CUX2: variants seen among roughly 807,000 people sequenced by gnomAD.
CUX2 encodes cut like homeobox 2.
CUX2 carries 40 observed loss-of-function variants against 144.8 expected under a neutral mutation model. The observed-to-expected ratio is 0.28, with a 90% CI of 0.21 to 0.36. The LOEUF (loss-of-function observed/expected upper bound fraction) is 0.36. CUX2 is among the 10% of genes least tolerant of loss of function. The pLI, the probability that CUX2 is intolerant of heterozygous loss-of-function variation, is 1.00. For synonymous variants in CUX2, 827 were observed against 875.6 expected (o/e 0.94, Z 0.98); for missense variants, 1,615 against 1,994.0 (o/e 0.81, Z 3.62).
Position 111,263,876 on chromosome 12 carries a change from C to T in CUX2, c.301+37C>T, listed in dbSNP as rs768574969. 2.9e-5 allele frequency: 45 copies of T among 1,562,760 alleles called. No homozygotes were observed. Among genetic ancestry groups the T allele is most frequent in the East Asian group, 1.3e-4 (6 of 44,610 alleles). ...TTGGGCTCCGTAATTGAATAGTTAA[C>T]GACAATAAATAGCCATTAGGACTGT... On this transcript the variant is annotated intron_variant, in intron 4 of 21. Coordinates refer to ENST00000261726, the MANE Select transcript of CUX2 (RefSeq NM_015267.4). The surrounding 1 kb of genome is among the most constrained non-coding windows in gnomAD (Gnocchi z 4.0).
intron 3 of CUX2, among the ~76,000 whole-genome samples, chr12:111,222,189 A>T (rs1485905719): frequency 6.6e-6 from 1 of 152,226 alleles, no homozygotes; most frequent in Admixed American, 6.5e-5. Flanking sequence ...TTATTTTCTC[A>T]TTATTAGTTG....
At chr12:111,142,997 T>C (rs1321968084) in intron 1 of CUX2, among the ~76,000 whole-genome samples, 5 of 152,194 alleles carry the variant, frequency 3.3e-5, no homozygotes, top group Non-Finnish European at 7.4e-5. Flanking sequence ...TTTTTTGGAA[T>C]CTCTGAGGCC....
At chr12:111,216,915 G>A (rs1275469310) in intron 2 of CUX2, among the ~76,000 whole-genome samples, 3 of 152,096 alleles carry the variant, frequency 2.0e-5, no homozygotes, top group East Asian at 3.9e-4. Flanking sequence ...TTCCTTTTCT[G>A]CTCTGTCTGG....
chr12:111,217,782 G>A, intron 2 of CUX2, 108 bp from the exon 3 acceptor site: 1 of 1,169,264 alleles, frequency 8.6e-7, no homozygotes. Flanking sequence ...GGCCCCACGG[G>A]ACATGCTTGG....
chr12:111,330,721 A>G (rs1182106886), intron 18 of CUX2, among the ~76,000 whole-genome samples: 4 of 54,822 alleles, frequency 7.3e-5, no homozygotes, highest in East Asian at 6.4e-4. Flanking sequence ...ATATATATAT[A>G]TATATATATA....
rs936578114 is a variant in CUX2, at chr12:111,037,510, G to A, written c.63+3270G>A. 6.6e-6 allele frequency among the ~76,000 whole-genome samples: 1 copy of A among 152,230 alleles called. No individual in the cohort carries two copies. The highest frequency in any genetic ancestry group is 1.5e-5 in the Non-Finnish European group (1 of 68,050). ...CAACCTTAATGACTTTGGGCCGATG[G>A]TAAAGGTGATCTGACATGTGCCACC... is the stretch of plus-strand genomic sequence containing the variant. On this transcript the variant is annotated intron_variant, in intron 1 of 21. Coordinates refer to ENST00000261726, the MANE Select transcript of CUX2 (RefSeq NM_015267.4). The surrounding 1 kb of genome is among the most constrained non-coding windows in gnomAD (Gnocchi z 5.4).
intron 4 of CUX2, among the ~76,000 whole-genome samples, chr12:111,264,574 A>G (rs570345183): frequency 8.5e-5 from 13 of 152,166 alleles, no homozygotes; most frequent in Admixed American, 2.6e-4. Context: ...TAGAAATCCC[A>G]TCTCTACTAA....
intron 1 of CUX2, among the ~76,000 whole-genome samples, chr12:111,038,272 T>C (rs999727926): frequency 3.3e-5 from 5 of 152,250 alleles, no homozygotes; most frequent in African/African-American, 1.2e-4. Context: ...TATCTAAATG[T>C]GCTATCATTT....
chr12:111,237,741 T>C (rs1882829809), intron 3 of CUX2, among the ~76,000 whole-genome samples: 2 of 152,158 alleles, frequency 1.3e-5, no homozygotes, highest in African/African-American at 4.8e-5. Flanking sequence ...TGCTGCCCAC[T>C]TGTGCCCCTT....
chr12:111,194,454 C>T (rs1880109926), intron 1 of CUX2, among the ~76,000 whole-genome samples: 1 of 152,192 alleles, frequency 6.6e-6, no homozygotes, highest in African/African-American at 2.4e-5. Context: ...GAACTTGTTG[C>T]CAGTGATTAC....
At position 111,277,705 on chromosome 12, in the gene CUX2, G is replaced by T. The variant is rs1432338428; in HGVS notation, c.302-13713G>T. Among the ~76,000 whole-genome samples the T allele has an allele frequency of 6.6e-6, 1 of 152,136 alleles. No individual in the cohort carries two copies. Among genetic ancestry groups the T allele is most frequent in the Non-Finnish European group, 1.5e-5 (1 of 68,034 alleles). On this transcript the variant is annotated intron_variant, in intron 4 of 21. Transcript: ENST00000261726. The surrounding 1 kb of genome is among the most constrained non-coding windows in gnomAD (Gnocchi z 5.0). ...CAGAGCTTTCCCTGACACACAGCAG[G>T]CACTCGGGAAATATTTGGCAACTGA...
intron 17 of CUX2, among the ~76,000 whole-genome samples, chr12:111,321,340 G>C (rs1386357567): frequency 6.6e-6 from 1 of 151,334 alleles, no homozygotes; most frequent in African/African-American, 2.4e-5. Context: ...GGTGTCCTGT[G>C]CCGGTATAGT....
At position 111,034,314 on chromosome 12, in the gene CUX2, C is replaced by CCGGGCGGG. The variant is rs1869301929; in HGVS notation, c.63+76_63+83dup. On this transcript the variant is annotated intron_variant, in intron 1 of 21. Transcript: ENST00000261726. The surrounding 1 kb of genome is among the most constrained non-coding windows in gnomAD (Gnocchi z 4.2). ...CGCCCTGGGCGCATTGGGGAGGTCC[C>CCGGGCGGG]CGGGCGGGCAGGCGGACGCCCTGGG... 5 of 980,128 alleles carry CCGGGCGGG rather than the reference C, an allele frequency of 5.1e-6. No homozygotes were observed. The African/African-American group carries it at 8.9e-5, about 17-fold the overall frequency. The allele number at this position is 980,128 out of a possible 1,614,324, so 60.7% of individuals were successfully genotyped here. A position where few individuals can be genotyped will look rare whatever the true frequency, so the allele number is the denominator to read the frequency against.
intron 4 of CUX2, among the ~76,000 whole-genome samples, chr12:111,267,342 C>T (rs1471232152): frequency 1.3e-5 from 2 of 152,032 alleles, no homozygotes; most frequent in East Asian, 1.9e-4. Flanking sequence ...AAAGTTTGAG[C>T]GCACAGGCCT....
At chr12:111,116,658 G>A (rs1411738942) in intron 1 of CUX2, among the ~76,000 whole-genome samples, 1 of 152,172 alleles carries the variant, frequency 6.6e-6, no homozygotes, top group Non-Finnish European at 1.5e-5. Flanking sequence ...AGAGTCCTGT[G>A]GAGGACTCGA....
In CUX2 at chr12:111,298,543, C is replaced by A. The variant is rs1234053011; in HGVS notation, c.707C>A (p.Ala236Glu). 6.3e-7 allele frequency: 1 copy of A among 1,578,474 alleles called. No homozygotes were observed. Reference sequence around the variant, plus strand: ...AGGGCCTCATCTTTGTGTCTCAGGGCAGATGAAGTCGGCCTGATCATGACC... The same window carrying A: ...AGGGCCTCATCTTTGTGTCTCAGGGAAGATGAAGTCGGCCTGATCATGACC... ...RKYDEEAASK[A>E]DEVGLIMTNL... The change falls in exon 9 of 22, where the codon GCA becomes GAA. Residue 236 changes from alanine to glutamate, a missense_variant and splice_region_variant. Around this residue, in one of 12 missense-constraint regions of CUX2, gnomAD observed 295 missense variants for 400.2 expected, o/e 0.74. Transcript: ENST00000261726.
chr12:111,328,230 TCTGGCTGTGGGGCTGGGTGTCAGGAC>T (rs1302714448), intron 18 of CUX2, among the ~76,000 whole-genome samples: 1 of 151,494 alleles, frequency 6.6e-6, no homozygotes, highest in African/African-American at 2.4e-5. Flanking sequence ...TCCCACAGAG[TCTGGCTGTGGGGCTGGGTGTCAGGAC>T]CTGTCCAAGC....
intron 20 of CUX2, among the ~76,000 whole-genome samples, chr12:111,340,885 T>C (rs150227843): frequency 0.012 from 1,806 of 152,270 alleles, 36 homozygotes; most frequent in African/African-American, 0.042. Flanking sequence ...AGTTCTAAGT[T>C]GCTAGCCAGT....
At chr12:111,080,126 C>A (rs978752715) in intron 1 of CUX2, among the ~76,000 whole-genome samples, 1 of 152,110 alleles carries the variant, frequency 6.6e-6, no homozygotes, top group Non-Finnish European at 1.5e-5. Context: ...CACCTCAGGG[C>A]CTTTGCACTG....
Sources: allele counts gnomAD v4.1 joint callset (sites outside exome capture counted in the v4.1 genomes callset), GRCh38; gene constraint gnomAD v4.1.1; regional missense constraint gnomAD v4.1.1; non-coding constraint Gnocchi (gnomAD v3.1); transcripts MANE v1.5; gene names NCBI Gene and HGNC (gene_info 2026-07-23, HGNC 2026-07-21).